NCOR2: variants seen among roughly 807,000 people sequenced by gnomAD.
NCOR2 encodes the protein nuclear receptor corepressor 2.
In NCOR2, 81 loss-of-function variants were observed where a neutral mutation model predicts 262.9. The ratio of observed to expected loss-of-function variants is 0.31; its 90% confidence interval spans 0.26 to 0.37. The LOEUF (loss-of-function observed/expected upper bound fraction) is 0.37, where lower values mean the gene tolerates loss of function less well. Ranked by LOEUF, NCOR2 falls within the 10% of genes least tolerant of loss-of-function variation. The probability of loss-of-function intolerance (pLI) is 1.00; values close to 1 mark genes in which losing one functional copy is unlikely to be tolerated. For missense variants in NCOR2, 3,385 were observed against 3,621.4 expected, an observed-to-expected ratio of 0.93 and a Z score of 1.68; for synonymous variants, 1,659 against 1,559.3, an observed-to-expected ratio of 1.06 and a Z score of -1.51.
intron 38 of NCOR2, 110 bp from the exon 41 acceptor site, chr12:124,335,742 C>G (rs1296760651): frequency 7.8e-7 from 1 of 1,275,844 alleles, no homozygotes; most frequent in Non-Finnish European, 1.1e-6. Context: ...CAAGGGGAAC[C>G]CAAGCTAGGG....
At chr12:124,498,219 C>T (rs2048479549), upstream of NCOR2, among the ~76,000 whole-genome samples, 2 of 152,200 alleles carry the variant, frequency 1.3e-5, no homozygotes, top group African/African-American at 4.8e-5. Flanking sequence ...CTTTTCTTTC[C>T]TCCTTTGCCC....
chr12:124,335,255 G>T (rs370426806), exon 40 of NCOR2: 1 of 1,605,866 alleles, frequency 6.2e-7, no homozygotes, highest in Non-Finnish European at 8.5e-7. Context: ...GGAGGTGGGC[G>T]GCCTCCCCGC....
chr12:124,373,092 C>T lies in NCOR2; in HGVS notation c.2219-482G>A, dbSNP rs888264600. ...GAACAATAGTTCCCATCTCACAGGG[C>T]GGAGAAGCTGGCAATTGTGAGGGCA... On this transcript the variant is annotated intron_variant, in intron 19 of 46. Transcript: ENST00000405201. 3.3e-5 allele frequency among the ~76,000 whole-genome samples: 5 copies of T among 152,256 alleles called. No individual in the cohort carries two copies. In the South Asian group the frequency reaches 6.2e-4, roughly 19 times the overall value.
chr12:124,326,187 C>G lies in NCOR2; in HGVS notation c.7363+4G>C. ...GCCCAGCCCTGTCCCCACCTGGTGCCCACCTGCGGACGAGGGCCTGTCCTC... is the reference window on the plus strand; with the variant it reads ...GCCCAGCCCTGTCCCCACCTGGTGCGCACCTGCGGACGAGGGCCTGTCCTC... On this transcript the variant is annotated splice_donor_region_variant and intron_variant, in intron 46 of 46. Coordinates refer to ENST00000405201, the Ensembl canonical transcript of NCOR2. 1.3e-6 allele frequency: 2 copies of G among 1,519,776 alleles called. No homozygotes were observed. The highest frequency in any genetic ancestry group is 2.1e-5 in the Admixed American group (1 of 48,382). 94.1% of individuals were successfully genotyped at this position (1,519,776 alleles called of 1,614,324 possible).
At chr12:124,381,760 G>A (rs2040426046) in intron 17 of NCOR2, among the ~76,000 whole-genome samples, 1 of 152,232 alleles carries the variant, frequency 6.6e-6, no homozygotes, top group African/African-American at 2.4e-5. Flanking sequence ...ACAAGGCGGG[G>A]CTGGGCCAAG....
At chr12:124,478,470 G>A (rs905661259) in intron 3 of NCOR2, among the ~76,000 whole-genome samples, 6 of 152,166 alleles carry the variant, frequency 3.9e-5, no homozygotes, top group Non-Finnish European at 1.5e-5. Flanking sequence ...CAGAAAACAG[G>A]AACACGGTGG....
intron 20 of NCOR2, among the ~76,000 whole-genome samples, chr12:124,371,220 T>G (rs2039483731): frequency 1.1e-5 from 1 of 90,156 alleles, no homozygotes; most frequent in Admixed American, 1.5e-4. Flanking sequence ...CTGCCCCCCG[T>G]CCTGCCAGGC....
At chr12:124,499,535 G>A (rs998486544), upstream of NCOR2, among the ~76,000 whole-genome samples, 22 of 152,234 alleles carry the variant, frequency 1.4e-4, no homozygotes, top group African/African-American at 4.8e-4. Flanking sequence ...TGGAGGCGCC[G>A]CTGAGCAAGA....
chr12:124,339,098 C>T (rs1417592886), intron 37 of NCOR2, among the ~76,000 whole-genome samples: 2 of 137,848 alleles, frequency 1.5e-5, no homozygotes, highest in Non-Finnish European at 3.1e-5. Context: ...ATCTATCCTT[C>T]CTCCCACCTA....
At chr12:124,353,989 C>T in intron 27 of NCOR2, 104 bp downstream of exon 29, 1 of 1,025,024 alleles carries the variant, frequency 9.8e-7, no homozygotes, top group Non-Finnish European at 1.4e-6. Context: ...CAGTCATCAC[C>T]CCATCGGCTG....
In NCOR2 at chr12:124,443,847, G is replaced by A. The variant is rs2044978914; in HGVS notation, c.816-5851C>T. Among the ~76,000 whole-genome samples, 1 of 152,044 alleles carries A rather than the reference G, an allele frequency of 6.6e-6. No homozygotes were observed. The highest frequency in any genetic ancestry group is 1.5e-5 in the Non-Finnish European group (1 of 68,030). On this transcript the variant is annotated intron_variant, in intron 7 of 46. Coordinates refer to ENST00000405201, the Ensembl canonical transcript of NCOR2. The surrounding 1 kb of genome is among the most constrained non-coding windows in gnomAD (Gnocchi z 4.4). ...TTCATTGCCAGCACTGAAAACCAGA[G>A]GCTGTTACACAAAAAGCCAAACCTA... is the stretch of plus-strand genomic sequence containing the variant.
At chr12:124,435,733 C>T (rs572282884) in intron 8 of NCOR2, among the ~76,000 whole-genome samples, 2 of 152,296 alleles carry the variant, frequency 1.3e-5, no homozygotes, top group South Asian at 2.1e-4. Context: ...ACCATGTGGC[C>T]GCTCACCACA....
At chr12:124,473,102 C>A (rs375816066) in exon 4 of NCOR2, 6 of 1,613,758 alleles carry the variant, frequency 3.7e-6, no homozygotes, top group Non-Finnish European at 5.1e-6. Flanking sequence ...GGGGAGACAC[C>A]GGTTCCAGCT....
chr12:124,391,762 C>T (rs2041322010), intron 16 of NCOR2, among the ~76,000 whole-genome samples: 1 of 152,232 alleles, frequency 6.6e-6, no homozygotes, highest in Admixed American at 6.5e-5. Flanking sequence ...TGTGAAAAAG[C>T]TACGTCTTCT....
rs981236638 is a variant in NCOR2 at position 124,494,227 on chromosome 12, A to ACACACACG, written c.105+912_105+919dup. Among the ~76,000 whole-genome samples the ACACACACG allele has an allele frequency of 1.6e-3, 249 of 151,982 alleles. 1 individual carries two copies. Among genetic ancestry groups the ACACACACG allele is most frequent in the African/African-American group, 5.8e-3 (241 of 41,418 alleles). Reference sequence around the variant, plus strand: ...CACCAGCCAGGCAGGACAGACACACACACACACGCACACACGCACCCCCAC... The same window carrying ACACACACG: ...CACCAGCCAGGCAGGACAGACACACACACACACGCACACACGCACACACGCACCCCCAC... On this transcript the variant is annotated intron_variant, in intron 1 of 46. Transcript: ENST00000405201.
chr12:124,481,130 C>T lies in NCOR2; in HGVS notation c.411+2466G>A, dbSNP rs1351949300. On this transcript the variant is annotated intron_variant, in intron 3 of 46. Transcript: ENST00000405201. The surrounding 1 kb of genome is among the most constrained non-coding windows in gnomAD (Gnocchi z 4.6). ...AAGGGGAGTGAGCAGGACAGGGGGG[C>T]TGTTTGGGTGGAAAGAAAGAGAGGG... Among the ~76,000 whole-genome samples the T allele has an allele frequency of 7.1e-6, 1 of 140,572 alleles. No homozygotes were observed. The highest frequency in any genetic ancestry group is 2.7e-5 in the African/African-American group (1 of 37,342). 92.2% of individuals were successfully genotyped at this position (140,572 alleles called of 152,430 possible).
At chr12:124,401,654 C>T (rs1463932913) in intron 14 of NCOR2, among the ~76,000 whole-genome samples, 5 of 152,238 alleles carry the variant, frequency 3.3e-5, no homozygotes, top group East Asian at 1.9e-4. Context: ...GTGCTCACAA[C>T]CTCGATACCC....
chr12:124,336,715 C>A (rs369205569), intron 38 of NCOR2, 38 bp downstream of exon 40: 2 of 1,604,714 alleles, frequency 1.2e-6, no homozygotes, highest in Non-Finnish European at 8.5e-7. Context: ...GCATGATAAT[C>A]GCGTCTATGA....
rs1263943034 is a variant in NCOR2 at position 124,378,682 on chromosome 12, C to G, written c.2020-298G>C. Among the ~76,000 whole-genome samples, 1 of 152,230 alleles carries G rather than the reference C, an allele frequency of 6.6e-6. No individual in the cohort carries two copies. The highest frequency in any genetic ancestry group is 1.5e-5 in the Non-Finnish European group (1 of 68,040). On this transcript the variant is annotated intron_variant, in intron 17 of 46. Transcript: ENST00000405201. This position sits in a 1 kb window ranked among gnomAD's most constrained non-coding sequence, Gnocchi z 4.2. ...CTGCCTGACATTGCCCAGGAGTCTC[C>G]TAGTCAGAGCGAGTGACCACGCCTC...
Sources: allele counts gnomAD v4.1 joint callset (sites outside exome capture counted in the v4.1 genomes callset), GRCh38; gene constraint gnomAD v4.1.1; non-coding constraint Gnocchi (gnomAD v3.1); transcripts MANE v1.5; gene names NCBI Gene and HGNC (gene_info 2026-07-23, HGNC 2026-07-21).